Variants in THNSL1 observed in about 807,000 individuals in gnomAD.
THNSL1 encodes threonine synthase like 1.
Under a neutral mutation model 50.4 loss-of-function variants are expected in THNSL1, and 48 were observed. The ratio of observed to expected loss-of-function variants is 0.95; its 90% CI spans 0.76 to 1.21. THNSL1 has a LOEUF of 1.21. Ranked by LOEUF, THNSL1 falls within the 50% of genes most tolerant of loss-of-function variation. The pLI, the probability that THNSL1 is intolerant of heterozygous loss-of-function variation, is 0.00. For synonymous variants in THNSL1, 309 were observed against 306.1 expected, an observed-to-expected ratio of 1.01 and a Z score of -0.10; for missense variants, 896 against 871.7, an observed-to-expected ratio of 1.03 and a Z score of -0.35.
chr10:24,994,335 TC>T, the THNSL1 span, among the ~76,000 whole-genome samples: 1 of 150,560 alleles, frequency 6.6e-6, no homozygotes, highest in Non-Finnish European at 1.5e-5. Context: ...AATTCTGCAC[TC>T]TTTTTTTTTT....
At chr10:25,017,144 G>T (rs1228341086) in intron 1 of THNSL1, among the ~76,000 whole-genome samples, 6 of 152,238 alleles carry the variant, frequency 3.9e-5, no homozygotes, top group African/African-American at 1.4e-4. Flanking sequence ...CCTGCTCTTT[G>T]TAAATGAGCA....
At chr10:24,977,096 TAA>T in the THNSL1 span, among the ~76,000 whole-genome samples, 8 of 152,150 alleles carry the variant, frequency 5.3e-5, no homozygotes, top group Non-Finnish European at 8.8e-5. Context: ...GTGTGGTTGA[TAA>T]AGAGTGAAAT....
Position 25,025,570 on chromosome 10 carries a change from T to A in THNSL1, c.*115T>A. On this transcript the variant is annotated 3_prime_UTR_variant, in exon 3 of 3. Coordinates refer to ENST00000376356, the MANE Select transcript of THNSL1 (RefSeq NM_024838.5). ...TTATGTAAATATCTCTATATCTGTTTGGAATTTCAAAAGTCTGATCTCTAG... is the reference window on the plus strand; with the variant it reads ...TTATGTAAATATCTCTATATCTGTTAGGAATTTCAAAAGTCTGATCTCTAG... 1 of 1,042,966 alleles carries A rather than the reference T, an allele frequency of 9.6e-7. No homozygotes were observed. The highest frequency in any genetic ancestry group is 1.4e-6 in the Non-Finnish European group (1 of 727,206). The allele number at this position is 1,042,966 out of a possible 1,614,324, so 64.6% of individuals were successfully genotyped here. A position where few individuals can be genotyped will look rare whatever the true frequency, so the allele number is the denominator to read the frequency against.
At chr10:25,003,776 G>T in the THNSL1 span, among the ~76,000 whole-genome samples, 2 of 152,088 alleles carry the variant, frequency 1.3e-5, no homozygotes, top group Non-Finnish European at 2.9e-5. Flanking sequence ...CATCACCCAG[G>T]TATTAAACCT....
At chr10:24,960,736 G>A in the THNSL1 span, among the ~76,000 whole-genome samples, 2 of 151,388 alleles carry the variant, frequency 1.3e-5, no homozygotes, top group Non-Finnish European at 1.5e-5. Context: ...ACAGGCATGA[G>A]GCACTGCACC....
At chr10:24,989,407 G>A in the THNSL1 span, among the ~76,000 whole-genome samples, 1 of 152,146 alleles carries the variant, frequency 6.6e-6, no homozygotes, top group African/African-American at 2.4e-5. Flanking sequence ...CCTACTGTCT[G>A]GGACATGCCG....
chr10:24,957,240 G>T, the THNSL1 span, among the ~76,000 whole-genome samples: 1 of 152,138 alleles, frequency 6.6e-6, no homozygotes, highest in African/African-American at 2.4e-5. Flanking sequence ...CCACATATAA[G>T]TGAGATCATG....
chr10:25,016,108 C>T (rs1244558130), upstream of THNSL1: 2 of 1,283,384 alleles, frequency 1.6e-6, no homozygotes, highest in Non-Finnish European at 2.0e-6. Context: ...AGTCCTCTCT[C>T]GGGAAGAAAA....
chr10:25,016,473 G>A (rs2291586), upstream of THNSL1, among the ~76,000 whole-genome samples: 36,902 of 152,184 alleles, frequency 0.24, 5,562 homozygotes, highest in East Asian at 0.5. Flanking sequence ...GGAGCGAGCG[G>A]CTGAGACCAC....
At chr10:24,985,127 A>AT in the THNSL1 span, among the ~76,000 whole-genome samples, 1 of 152,188 alleles carries the variant, frequency 6.6e-6, no homozygotes, top group Admixed American at 6.5e-5. Flanking sequence ...CACTGGGAGT[A>AT]TTTGTTTGCT....
the THNSL1 span, chr10:24,984,624 AT>A: frequency 9.1e-7 from 1 of 1,100,636 alleles, no homozygotes; most frequent in South Asian, 1.7e-5. Context: ...GATTAAGACT[AT>A]TTTTATTCTC....
At chr10:24,977,629 T>TA in the THNSL1 span, among the ~76,000 whole-genome samples, 1 of 152,112 alleles carries the variant, frequency 6.6e-6, no homozygotes, top group Non-Finnish European at 1.5e-5. Context: ...TATGTATTAA[T>TA]AAAAAAATGA....
At chr10:25,005,693 C>T in the THNSL1 span, among the ~76,000 whole-genome samples, 1 of 152,164 alleles carries the variant, frequency 6.6e-6, no homozygotes, top group African/African-American at 2.4e-5. Context: ...AATTCAGGCT[C>T]ATGTCTATAT....
the THNSL1 span, among the ~76,000 whole-genome samples, chr10:24,972,905 C>T: frequency 4.6e-3 from 698 of 152,298 alleles, 16 homozygotes; most frequent in Admixed American, 0.038. Context: ...CAGTGAATGC[C>T]TGAAACTGCA....
the THNSL1 span, among the ~76,000 whole-genome samples, chr10:24,998,358 C>CCTCTCT: frequency 1.7e-5 from 2 of 117,306 alleles, no homozygotes; most frequent in African/African-American, 6.7e-5. Context: ...TTCCTTCCTT[C>CCTCTCT]CTCTCTCTCT....
At chr10:24,961,895 T>G in the THNSL1 span, among the ~76,000 whole-genome samples, 6 of 152,216 alleles carry the variant, frequency 3.9e-5, no homozygotes, top group Non-Finnish European at 7.3e-5. Context: ...TTTCTTACTT[T>G]CTTTGCTTTA....
chr10:24,994,532 C>T, the THNSL1 span, among the ~76,000 whole-genome samples: 1 of 151,684 alleles, frequency 6.6e-6, no homozygotes, highest in Non-Finnish European at 1.5e-5. Flanking sequence ...TGGGGTGTCA[C>T]CATGTTGGCC....
chr10:24,972,367 G>A, the THNSL1 span, among the ~76,000 whole-genome samples: 45 of 151,920 alleles, frequency 3.0e-4, no homozygotes, highest in Middle Eastern at 3.4e-3. Context: ...AATTAGCCAG[G>A]TGTGGTGGCG....
At chr10:24,983,925 AG>A in the THNSL1 span, 1 of 154,364 alleles carries the variant, frequency 6.5e-6, no homozygotes, top group Non-Finnish European at 1.4e-5. Context: ...ATTGCTTAAT[AG>A]ATTATGTAAT....
Sources: gnomAD v4.1 joint callset for allele counts (sites outside exome capture counted in the v4.1 genomes callset) on GRCh38, gnomAD v4.1.1 for gene constraint, MANE v1.5 for transcripts, NCBI Gene and HGNC (gene_info 2026-07-23, HGNC 2026-07-21) for gene names.